The following STK32B variants were observed in gnomAD, a reference collection of about 807,000 sequenced individuals.
STK32B encodes the protein serine/threonine-protein kinase 32B.
A neutral mutation model predicts 52.6 loss-of-function variants in STK32B; 43 were observed. That is an observed-to-expected ratio of 0.82 (90% CI 0.64 to 1.05). The LOEUF is 1.05. Ranked by LOEUF, STK32B falls within the 50% of genes least tolerant of loss-of-function variation. The pLI is 0.00. For synonymous variants in STK32B, 238 were observed against 204.3 expected, an observed-to-expected ratio of 1.17 and a Z score of -1.41; for missense variants, 621 against 534.6, an observed-to-expected ratio of 1.16 and a Z score of -1.59.
At chr4:5,193,649 C>G (rs541852730) in intron 3 of STK32B, among the ~76,000 whole-genome samples, 1 of 152,238 alleles carries the variant, frequency 6.6e-6, no homozygotes, top group African/African-American at 2.4e-5. Context: ...CAGAACAGCC[C>G]ATAGCCTCAG....
intron 3 of STK32B, among the ~76,000 whole-genome samples, chr4:5,272,299 G>A (rs934344931): frequency 9.5e-4 from 141 of 148,908 alleles, no homozygotes; most frequent in Non-Finnish European, 1.6e-3. Context: ...TTATATGCTC[G>A]ATTACATTTA....
intron 8 of STK32B, among the ~76,000 whole-genome samples, chr4:5,457,385 T>G (rs1189607654): frequency 6.6e-6 from 1 of 151,114 alleles, no homozygotes; most frequent in East Asian, 2.0e-4. Context: ...CCGGCTAATT[T>G]TTTGTATTTT....
At chr4:5,021,111 G>A in the STK32B span, among the ~76,000 whole-genome samples, 3 of 152,312 alleles carry the variant, frequency 2.0e-5, no homozygotes, top group Non-Finnish European at 4.4e-5. Flanking sequence ...GATGAAGCCC[G>A]GCTCCAGCTT....
chr4:5,347,073 G>A (rs1326717743), intron 4 of STK32B, among the ~76,000 whole-genome samples: 1 of 152,214 alleles, frequency 6.6e-6, no homozygotes, highest in Non-Finnish European at 1.5e-5. Flanking sequence ...CCCTATACAT[G>A]TGGGGATTAT....
chr4:5,102,832 C>T (rs1328357339), intron 1 of STK32B, among the ~76,000 whole-genome samples: 1 of 143,482 alleles, frequency 7.0e-6, no homozygotes, highest in Non-Finnish European at 1.5e-5. Context: ...CGTGAGTCAC[C>T]GCACTCGACC....
intron 3 of STK32B, among the ~76,000 whole-genome samples, chr4:5,321,673 C>T (rs1033094667): frequency 2.0e-4 from 31 of 152,158 alleles, no homozygotes; most frequent in African/African-American, 6.5e-4. Context: ...ATAAATAAAA[C>T]CATGAAGGCA....
Position 5,091,114 on chromosome 4 carries a change from T to C in STK32B, c.52+39199T>C, listed in dbSNP as rs529752704. ...AAAGGAGGAAACACTTCCTAACTTA[T>C]TCTGTGATGCCAGTATTACCCTGAT... On this transcript the variant is annotated intron_variant, in intron 1 of 11. Transcript: ENST00000282908. 1.5e-4 allele frequency among the ~76,000 whole-genome samples: 23 copies of C among 152,338 alleles called. No homozygotes were observed. The East Asian group carries it at 3.7e-3, about 24-fold the overall frequency.
At chr4:5,185,537 G>A (rs189300657) in intron 3 of STK32B, among the ~76,000 whole-genome samples, 2 of 152,216 alleles carry the variant, frequency 1.3e-5, no homozygotes, top group East Asian at 3.8e-4. Context: ...GGAGGGCAGG[G>A]AAAGGGACGT....
intron 1 of STK32B, among the ~76,000 whole-genome samples, chr4:5,055,263 ATTTTT>A (rs36123548): frequency 7.1e-6 from 1 of 139,966 alleles, no homozygotes; most frequent in African/African-American, 2.7e-5. Context: ...CTAATTTTTA[ATTTTT>A]TTTTTTTTTT....
chr4:5,389,509 T>G (rs1030959965), intron 4 of STK32B, among the ~76,000 whole-genome samples: 2 of 152,142 alleles, frequency 1.3e-5, no homozygotes, highest in Non-Finnish European at 2.9e-5. Context: ...TGTCTCCCCA[T>G]GCATCCTACT....
chr4:5,448,837 G>A (rs1282717350), intron 7 of STK32B, among the ~76,000 whole-genome samples: 1 of 152,096 alleles, frequency 6.6e-6, no homozygotes, highest in African/African-American at 2.4e-5. Context: ...TTGACCCAAA[G>A]GACAACAGGT....
chr4:5,102,656 C>G (rs2108795640), intron 1 of STK32B, among the ~76,000 whole-genome samples: 1 of 151,888 alleles, frequency 6.6e-6, no homozygotes, highest in Admixed American at 6.6e-5. Flanking sequence ...CTCAGCCTCC[C>G]AAGTAGCTGA....
chr4:5,463,300 G>A (rs1717175846), intron 9 of STK32B, among the ~76,000 whole-genome samples: 1 of 151,624 alleles, frequency 6.6e-6, no homozygotes, highest in African/African-American at 2.4e-5. Context: ...TGCTGTCTGA[G>A]CCTTCCCTGA....
intron 3 of STK32B, among the ~76,000 whole-genome samples, chr4:5,173,590 A>C (rs1295527273): frequency 1.8e-4 from 28 of 151,970 alleles, no homozygotes; most frequent in African/African-American, 4.1e-4. Context: ...GCAGGTTGTT[A>C]AGTTTCCATG....
intron 1 of STK32B, among the ~76,000 whole-genome samples, chr4:5,134,232 T>C (rs1308790105): frequency 2.6e-5 from 4 of 152,178 alleles, no homozygotes; most frequent in Non-Finnish European, 5.9e-5. Context: ...CCCCAAAGTT[T>C]ATGTGTTGGA....
At chr4:5,252,635 G>T (rs1393712209) in intron 3 of STK32B, among the ~76,000 whole-genome samples, 2 of 152,140 alleles carry the variant, frequency 1.3e-5, no homozygotes, top group Non-Finnish European at 2.9e-5. Context: ...GGCTGTCATT[G>T]TCACTTATTC....
intron 1 of STK32B, among the ~76,000 whole-genome samples, chr4:5,086,515 G>A (rs1161031262): frequency 1.3e-5 from 2 of 152,030 alleles, no homozygotes; most frequent in African/African-American, 4.8e-5. Context: ...CCCAGAAGTA[G>A]AAGAAAAAGA....
intron 1 of STK32B, among the ~76,000 whole-genome samples, chr4:5,139,178 A>G (rs1414172184): frequency 1.3e-5 from 2 of 152,042 alleles, no homozygotes; most frequent in Non-Finnish European, 2.9e-5. Flanking sequence ...CTGATGAAAG[A>G]CCGGATGTGG....
At chr4:5,052,581 T>C (rs1741833826) in intron 1 of STK32B, among the ~76,000 whole-genome samples, 1 of 152,206 alleles carries the variant, frequency 6.6e-6, no homozygotes, top group Admixed American at 6.5e-5. Context: ...CAGAACCCTC[T>C]TTCCAGTGCA....
Sources: allele counts gnomAD v4.1 joint callset (sites outside exome capture counted in the v4.1 genomes callset), GRCh38; gene constraint gnomAD v4.1.1; transcripts MANE v1.5; gene names NCBI Gene and HGNC (gene_info 2026-07-23, HGNC 2026-07-21).